CDK5RAP2: variants seen among roughly 807,000 people sequenced by gnomAD.
CDK5RAP2 encodes the protein CDK5 regulatory subunit associated protein 2.
CDK5RAP2 carries 147 observed loss-of-function variants against 232.9 expected under a neutral mutation model. The observed-to-expected ratio is 0.63, with a 90% CI of 0.55 to 0.72. The LOEUF (loss-of-function observed/expected upper bound fraction) is 0.72, where lower values mean the gene tolerates loss of function less well. Among genes scored for constraint, CDK5RAP2 ranks in the 30% least tolerant of loss-of-function variants. CDK5RAP2 has a pLI of 0.00. For synonymous variants in CDK5RAP2, 833 were observed against 833.7 expected, an observed-to-expected ratio of 1.00 and a Z score of 0.01; for missense variants, 2,195 against 2,231.5, an observed-to-expected ratio of 0.98 and a Z score of 0.33.
intron 17 of CDK5RAP2, among the ~76,000 whole-genome samples, chr9:120,469,312 C>A (rs1017755325): frequency 6.6e-6 from 1 of 152,200 alleles, no homozygotes; most frequent in Middle Eastern, 3.4e-3. Flanking sequence ...GTGAGCTCAC[C>A]CCCCCATCTC....
chr9:120,550,760 C>A, intron 4 of CDK5RAP2, 32 bp downstream of exon 4: 2 of 1,176,606 alleles, frequency 1.7e-6, no homozygotes, highest in Non-Finnish European at 2.6e-6. Flanking sequence ...AGAAAGGACA[C>A]AAGGGACAGT....
chr9:120,498,133 C>T (rs1033546097), intron 12 of CDK5RAP2, among the ~76,000 whole-genome samples: 1 of 152,178 alleles, frequency 6.6e-6, no homozygotes, highest in African/African-American at 2.4e-5. Flanking sequence ...CACGTGCTTG[C>T]CCTTTCCCAT....
intron 21 of CDK5RAP2, among the ~76,000 whole-genome samples, chr9:120,452,383 T>C (rs928501514): frequency 6.6e-6 from 1 of 152,152 alleles, no homozygotes; most frequent in Non-Finnish European, 1.5e-5. Context: ...CTCTTTTGTA[T>C]GCGCAAAAGC....
intron 12 of CDK5RAP2, among the ~76,000 whole-genome samples, chr9:120,504,715 G>A (rs1275359577): frequency 2.0e-5 from 3 of 152,198 alleles, no homozygotes; most frequent in African/African-American, 7.2e-5. Context: ...GCTCCTACTA[G>A]TGGGCTTCAG....
intron 1 of CDK5RAP2, among the ~76,000 whole-genome samples, chr9:120,579,464 T>A (rs2043159741): frequency 6.6e-6 from 1 of 152,154 alleles, no homozygotes; most frequent in South Asian, 2.1e-4. Flanking sequence ...TTCTTAATCA[T>A]TGCACTCCAT....
intron 15 of CDK5RAP2, among the ~76,000 whole-genome samples, chr9:120,472,836 A>G (rs1387312950): frequency 6.6e-6 from 1 of 152,248 alleles, no homozygotes; most frequent in Non-Finnish European, 1.5e-5. Context: ...CTTCACTGTC[A>G]ACTACAGTAG....
intron 17 of CDK5RAP2, among the ~76,000 whole-genome samples, chr9:120,468,271 C>T (rs189534121): frequency 1.8e-4 from 28 of 152,322 alleles, no homozygotes; most frequent in Non-Finnish European, 3.7e-4. Flanking sequence ...TCATCTGTAG[C>T]GTTACTACGA....
At chr9:120,422,879 T>C (rs546494848) in intron 25 of CDK5RAP2, 138 bp from the exon 26 acceptor site, 3 of 709,690 alleles carry the variant, frequency 4.2e-6, no homozygotes, top group South Asian at 1.5e-5. Flanking sequence ...ATATTTAAAG[T>C]AGGATTACCA....
chr9:120,569,022 T>C (rs1233470391), intron 2 of CDK5RAP2, among the ~76,000 whole-genome samples: 1 of 152,204 alleles, frequency 6.6e-6, no homozygotes, highest in Non-Finnish European at 1.5e-5. Context: ...AACAAACATG[T>C]ATTACACACC....
chr9:120,419,489 A>C (rs943644129), intron 27 of CDK5RAP2, among the ~76,000 whole-genome samples: 2 of 152,242 alleles, frequency 1.3e-5, no homozygotes, highest in African/African-American at 4.8e-5. Flanking sequence ...ATAGGAAATT[A>C]ACCAAATCTG....
intron 5 of CDK5RAP2, among the ~76,000 whole-genome samples, chr9:120,543,335 T>C (rs891388756): frequency 2.6e-5 from 4 of 152,224 alleles, no homozygotes; most frequent in Admixed American, 6.5e-5. Context: ...AGAACTCTGA[T>C]TGTGTCACTT....
At chr9:120,460,887 T>A in intron 18 of CDK5RAP2, 1 of 692,822 alleles carries the variant, frequency 1.4e-6, no homozygotes, top group Non-Finnish European at 2.3e-6. Context: ...AAGCATAATT[T>A]AAGGACAAAT....
rs745861862 is a variant in CDK5RAP2, at chr9:120,568,347, C to A, written c.169G>T (p.Ala57Ser). Reference protein sequence around the residue: ...VSEETVSPTRARNMKDFENQI... With the variant: ...VSEETVSPTRSRNMKDFENQI... ...TTTTCAAAGTCCTTCATGTTCCGTG[C>A]TCTGGTGGGAGACACTGTTTCTTCT... The change falls in exon 3 of 38, where the codon GCA becomes TCA. Residue 57 changes from alanine (A) to serine (S), a missense_variant. Transcript: ENST00000349780. 1 of 1,613,844 alleles carries A rather than the reference C, an allele frequency of 6.2e-7. No homozygotes were observed. The highest frequency in any genetic ancestry group is 8.5e-7 in the Non-Finnish European group (1 of 1,179,738).
chr9:120,484,648 C>T (rs1355242735), intron 14 of CDK5RAP2, among the ~76,000 whole-genome samples: 1 of 152,072 alleles, frequency 6.6e-6, no homozygotes, highest in Non-Finnish European at 1.5e-5. Context: ...CACTTGAACC[C>T]AGGAGGCGGA....
At chr9:120,577,269 G>A (rs2132244020) in intron 1 of CDK5RAP2, among the ~76,000 whole-genome samples, 1 of 151,646 alleles carries the variant, frequency 6.6e-6, no homozygotes, top group South Asian at 2.1e-4. Context: ...GCTGAACCAT[G>A]AGAATTGCTT....
intron 15 of CDK5RAP2, 72 bp downstream of exon 15, chr9:120,477,278 T>C (rs532033606): frequency 9.4e-7 from 1 of 1,063,936 alleles, no homozygotes; most frequent in African/African-American, 1.5e-5. Context: ...ATTGAAAGGG[T>C]GTGTGCGTGT....
chr9:120,454,413 G>A (rs528612017), intron 20 of CDK5RAP2, among the ~76,000 whole-genome samples: 57 of 152,228 alleles, frequency 3.7e-4, no homozygotes, highest in Non-Finnish European at 5.3e-4. Flanking sequence ...AGTAGAAAGC[G>A]CATTGGCTCT....
chr9:120,472,363 T>C (rs998773138), intron 15 of CDK5RAP2, among the ~76,000 whole-genome samples: 2 of 152,190 alleles, frequency 1.3e-5, no homozygotes, highest in African/African-American at 4.8e-5. Flanking sequence ...TTCCAGAATG[T>C]GTCTCTGTTC....
At chr9:120,470,548 A>G (rs1156443634) in intron 16 of CDK5RAP2, among the ~76,000 whole-genome samples, 2 of 152,244 alleles carry the variant, frequency 1.3e-5, no homozygotes, top group African/African-American at 4.8e-5. Flanking sequence ...TGGTGATTTC[A>G]GTTTAAATGA....
Sources: gnomAD v4.1 joint callset for allele counts (sites outside exome capture counted in the v4.1 genomes callset) on GRCh38, gnomAD v4.1.1 for gene constraint, MANE v1.5 for transcripts, NCBI Gene and HGNC (gene_info 2026-07-23, HGNC 2026-07-21) for gene names.